Variants in ICA1L observed in about 807,000 individuals in gnomAD.
ICA1L encodes islet cell autoantigen 1 like.
ICA1L carries 50 observed loss-of-function variants against 61.3 expected under a neutral mutation model. The observed-to-expected ratio is 0.82, with a 90% CI of 0.65 to 1.03. The LOEUF is 1.03. Ranked by LOEUF, ICA1L falls within the 50% of genes least tolerant of loss-of-function variation. The pLI is 0.00. For synonymous variants in ICA1L, 161 were observed against 191.3 expected (o/e 0.84, Z 1.31); for missense variants, 508 against 556.7 (o/e 0.91, Z 0.88).
At chr2:202,826,072 C>T (rs1412030640) in intron 2 of ICA1L, among the ~76,000 whole-genome samples, 1 of 152,134 alleles carries the variant, frequency 6.6e-6, no homozygotes, top group Non-Finnish European at 1.5e-5. Flanking sequence ...ATAACAACAA[C>T]ATAAATCTAA....
chr2:202,842,473 A>G (rs1329909765), intron 1 of ICA1L, among the ~76,000 whole-genome samples: 3 of 152,174 alleles, frequency 2.0e-5, no homozygotes, highest in African/African-American at 7.2e-5. Context: ...CATGGAATTT[A>G]TCATCCCACT....
rs766583671 is a variant in ICA1L, at chr2:202,817,497, T to C, written c.605A>G (p.Lys202Arg). The C allele has an allele frequency of 1.9e-6, 3 of 1,611,258 alleles. No individual in the cohort carries two copies. The South Asian group carries it at 3.3e-5, about 18-fold the overall frequency. The stretch of plus-strand genomic sequence containing the variant: ...ATCCACTTTCTGACAAACATCCATC[T>C]TTAACTTGTCAAAAGAAGCTTTGCT... ...RNSKASFDKL[K>R]MDVCQKVDLL... Residue 202 changes from lysine (K) to arginine (R), a missense_variant, in exon 6 of 13, where the codon AAG becomes AGG. Lys to Arg is a conservative substitution (Grantham distance 26). Coordinates refer to ENST00000358299, the MANE Select transcript of ICA1L (RefSeq NM_001288622.3).
intron 1 of ICA1L, among the ~76,000 whole-genome samples, chr2:202,843,689 T>C (rs1027124830): frequency 2.6e-5 from 4 of 152,212 alleles, no homozygotes; most frequent in African/African-American, 9.6e-5. Context: ...GAGATGCAGA[T>C]GCTTGTTAAA....
At chr2:202,796,547 T>A (rs1692931389) in intron 10 of ICA1L, among the ~76,000 whole-genome samples, 1 of 152,218 alleles carries the variant, frequency 6.6e-6, no homozygotes, top group Non-Finnish European at 1.5e-5. Flanking sequence ...TGAATGACAT[T>A]TACTATTTTG....
chr2:202,837,863 T>C (rs1276652848), intron 1 of ICA1L, among the ~76,000 whole-genome samples: 2 of 152,192 alleles, frequency 1.3e-5, no homozygotes, highest in African/African-American at 4.8e-5. Flanking sequence ...ATTTTATTTA[T>C]TTGTCTTGAG....
intron 1 of ICA1L, among the ~76,000 whole-genome samples, chr2:202,839,514 A>AG (rs1559143965): frequency 6.6e-6 from 1 of 150,750 alleles, no homozygotes; most frequent in African/African-American, 2.4e-5. Context: ...AAAAAAAAAA[A>AG]AAAAAGGTGA....
At chr2:202,866,744 G>A (rs913194866) in intron 1 of ICA1L, among the ~76,000 whole-genome samples, 1 of 152,096 alleles carries the variant, frequency 6.6e-6, no homozygotes, top group South Asian at 2.1e-4. Context: ...TCAGGAGTTC[G>A]AGACCAGTCT....
chr2:202,817,271 TTGACTCTC>T, intron 6 of ICA1L, 139 bp downstream of exon 6: 1 of 624,420 alleles, frequency 1.6e-6, no homozygotes, highest in Non-Finnish European at 2.5e-6. Context: ...TCAGAACTTT[TTGACTCTC>T]TGACTTTCAT....
At chr2:202,860,881 A>G (rs980049122) in intron 1 of ICA1L, among the ~76,000 whole-genome samples, 4 of 152,220 alleles carry the variant, frequency 2.6e-5, no homozygotes, top group African/African-American at 9.6e-5. Flanking sequence ...TTCAAGATAA[A>G]TAATATTTCC....
Position 202,789,183 on chromosome 2 carries a change from C to T in ICA1L, c.986-96G>A, listed in dbSNP as rs1692675439. 9 of 1,006,310 alleles carry T rather than the reference C, an allele frequency of 8.9e-6. No individual in the cohort carries two copies. The South Asian group carries it at 1.1e-4, about 12-fold the overall frequency. The allele number at this position is 1,006,310 out of a possible 1,614,324, so 62.3% of individuals were successfully genotyped here. A position where few individuals can be genotyped will look rare whatever the true frequency, so the allele number is the denominator to read the frequency against. ...TCAAATTTGTTTCATTGTTTTCATACTGTATTAACATAATTTTAAACAAAC... is the reference window on the plus strand; with the variant it reads ...TCAAATTTGTTTCATTGTTTTCATATTGTATTAACATAATTTTAAACAAAC... On this transcript the variant is annotated intron_variant, in intron 10 of 12. Coordinates refer to ENST00000358299, the MANE Select transcript of ICA1L (RefSeq NM_001288622.3).
chr2:202,800,408 C>T (rs1693058876), intron 9 of ICA1L, among the ~76,000 whole-genome samples: 1 of 152,110 alleles, frequency 6.6e-6, no homozygotes, highest in African/African-American at 2.4e-5. Flanking sequence ...ACAGGCAAAA[C>T]TCTACTAAAA....
At chr2:202,785,245 A>G (rs1025978101) in intron 12 of ICA1L, among the ~76,000 whole-genome samples, 1 of 151,932 alleles carries the variant, frequency 6.6e-6, no homozygotes, top group Admixed American at 6.6e-5. Context: ...AAAGAAAAGA[A>G]AAAGGTTAAT....
chr2:202,842,161 A>G (rs1012998784), intron 1 of ICA1L, among the ~76,000 whole-genome samples: 5 of 152,120 alleles, frequency 3.3e-5, no homozygotes, highest in Admixed American at 3.3e-4. Flanking sequence ...GGCCTATTGC[A>G]GCCATTATTT....
At chr2:202,832,798 TAAC>T (rs1694049427) in intron 1 of ICA1L, among the ~76,000 whole-genome samples, 1 of 151,686 alleles carries the variant, frequency 6.6e-6, no homozygotes, top group South Asian at 2.1e-4. Context: ...AAAATAATAA[TAAC>T]TGGACAAGAT....
chr2:202,774,467 C>A lies in ICA1L; in HGVS notation c.*5066G>T. On this transcript the variant is annotated 3_prime_UTR_variant, in exon 13 of 13. Transcript: ENST00000358299. ...CAGCTCAAGAAACAACTTTTTCTTT[C>A]ATGTTTTTTGTATGTGTTTTTTTAG... 2.0e-6 allele frequency: 1 copy of A among 503,246 alleles called. No homozygotes were observed. The highest frequency in any genetic ancestry group is 4.1e-5 in the East Asian group (1 of 24,340). The allele number at this position is 503,246 out of a possible 1,614,324, so 31.2% of individuals were successfully genotyped here. A position where few individuals can be genotyped will look rare whatever the true frequency, so the allele number is the denominator to read the frequency against.
intron 1 of ICA1L, among the ~76,000 whole-genome samples, chr2:202,856,465 T>C (rs1356251464): frequency 2.6e-5 from 4 of 152,200 alleles, no homozygotes; most frequent in South Asian, 2.1e-4. Context: ...AAACTAGCTA[T>C]TGATGGAACA....
chr2:202,813,821 G>A (rs935975335), intron 8 of ICA1L, among the ~76,000 whole-genome samples: 3 of 152,198 alleles, frequency 2.0e-5, no homozygotes, highest in African/African-American at 7.2e-5. Flanking sequence ...CACGGCAACA[G>A]CCCGTATTTT....
At chr2:202,869,335 C>T (rs1687625332) in intron 1 of ICA1L, among the ~76,000 whole-genome samples, 2 of 151,692 alleles carry the variant, frequency 1.3e-5, no homozygotes, top group Non-Finnish European at 2.9e-5. Flanking sequence ...TCAGCCTGGG[C>T]GACAGAGCGA....
chr2:202,864,905 T>C (rs906528997), intron 1 of ICA1L, among the ~76,000 whole-genome samples: 3 of 151,966 alleles, frequency 2.0e-5, no homozygotes, highest in Admixed American at 2.0e-4. Flanking sequence ...GGCTCATGCC[T>C]GTAATCCCAG....
Sources: gnomAD v4.1 joint callset for allele counts (sites outside exome capture counted in the v4.1 genomes callset) on GRCh38, gnomAD v4.1.1 for gene constraint, MANE v1.5 for transcripts, NCBI Gene and HGNC (gene_info 2026-07-23, HGNC 2026-07-21) for gene names.